The following IL1RAPL2 variants were observed in gnomAD, a reference collection of about 807,000 sequenced individuals.
The protein encoded by IL1RAPL2 is X-linked interleukin-1 receptor accessory protein-like 2.
Under a neutral mutation model 44.1 loss-of-function variants are expected in IL1RAPL2, and 3 were observed. The ratio of observed to expected loss-of-function variants is 0.07; its 90% CI spans 0.03 to 0.18. The LOEUF is 0.18. Among genes scored for constraint, IL1RAPL2 ranks in the 10% least tolerant of loss-of-function variants. The pLI is 1.00. For synonymous variants in IL1RAPL2, 181 were observed against 178.8 expected (o/e 1.01, Z -0.10); for missense variants, 391 against 496.4 (o/e 0.79, Z 2.02).
chrX:104,596,980 T>C (rs918867818), intron 1 of IL1RAPL2, among the ~76,000 whole-genome samples: 3 of 110,811 alleles, frequency 2.7e-5, no homozygotes, highest in Admixed American at 1.9e-4. Flanking sequence ...TTCATGTACA[T>C]GTACGAGTTT....
chrX:104,637,798 G>C (rs1175438854), intron 1 of IL1RAPL2, among the ~76,000 whole-genome samples: 7 of 108,085 alleles, frequency 6.5e-5, no homozygotes, highest in African/African-American at 1.4e-4. Context: ...GTGTGTGTGT[G>C]TGTCTGTGTG....
intron 2 of IL1RAPL2, among the ~76,000 whole-genome samples, chrX:104,949,235 G>T (rs1347972286): frequency 9.1e-6 from 1 of 109,453 alleles, no homozygotes; most frequent in African/African-American, 3.3e-5. Context: ...TCTGATGGTA[G>T]TTTGTATTTC....
At chrX:105,494,449 GCTATTAT>G (rs768917247) in intron 6 of IL1RAPL2, among the ~76,000 whole-genome samples, 1 of 111,752 alleles carries the variant, frequency 8.9e-6, no homozygotes, top group African/African-American at 3.2e-5. Flanking sequence ...AATTGAGTAA[GCTATTAT>G]CTTGCTTATT....
At chrX:105,187,364 T>TA (rs1177503633) in intron 2 of IL1RAPL2, among the ~76,000 whole-genome samples, 22 of 111,534 alleles carry the variant, frequency 2.0e-4, no homozygotes, top group Non-Finnish European at 4.0e-4. Context: ...ATCCCATCAT[T>TA]AAAAAAATAT....
intron 5 of IL1RAPL2, among the ~76,000 whole-genome samples, chrX:105,335,972 C>G (rs1174009567): frequency 2.7e-5 from 3 of 112,075 alleles, no homozygotes; most frequent in African/African-American, 9.7e-5. Flanking sequence ...AATAAAAATT[C>G]ATACCCAAAT....
At chrX:104,743,241 AT>A (rs1932123455) in intron 2 of IL1RAPL2, among the ~76,000 whole-genome samples, 1 of 110,493 alleles carries the variant, frequency 9.1e-6, no homozygotes, top group Non-Finnish European at 1.9e-5. Flanking sequence ...CAAAGTTATT[AT>A]TGCACTTATG....
At chrX:104,684,490 G>A (rs1161556637) in intron 2 of IL1RAPL2, among the ~76,000 whole-genome samples, 3 of 111,804 alleles carry the variant, frequency 2.7e-5, no homozygotes, top group Non-Finnish European at 3.8e-5. Context: ...CCTCCTGCAG[G>A]GACACCATAC....
chrX:104,696,582 C>T (rs1281142088), intron 2 of IL1RAPL2, among the ~76,000 whole-genome samples: 1 of 112,291 alleles, frequency 8.9e-6, no homozygotes, highest in Non-Finnish European at 1.9e-5. Context: ...AATTATCCAT[C>T]TAAGACAGGG....
At chrX:105,098,027 G>A (rs1487214757) in intron 2 of IL1RAPL2, among the ~76,000 whole-genome samples, 1 of 111,504 alleles carries the variant, frequency 9.0e-6, no homozygotes, top group African/African-American at 3.3e-5. Context: ...TATTCCTTTT[G>A]TCCATCTCAC....
chrX:105,564,247 C>T (rs1167823440), intron 6 of IL1RAPL2, among the ~76,000 whole-genome samples: 1 of 111,425 alleles, frequency 9.0e-6, no homozygotes, highest in Non-Finnish European at 1.9e-5. Flanking sequence ...TGAGGGGGTA[C>T]ATAAACATTT....
chrX:105,397,947 G>T (rs1569434862), intron 5 of IL1RAPL2, among the ~76,000 whole-genome samples: 1 of 110,093 alleles, frequency 9.1e-6, no homozygotes, highest in African/African-American at 3.3e-5. Flanking sequence ...TGCTCCAGGA[G>T]ATCTCAAAAA....
chrX:105,398,163 T>G (rs1240141634), intron 5 of IL1RAPL2, among the ~76,000 whole-genome samples: 2 of 111,149 alleles, frequency 1.8e-5, no homozygotes, highest in Non-Finnish European at 3.8e-5. Flanking sequence ...TTTTTATTTT[T>G]ATTTTTGGCA....
intron 7 of IL1RAPL2, among the ~76,000 whole-genome samples, chrX:105,718,521 A>G (rs1424998331): frequency 1.8e-5 from 2 of 111,756 alleles, no homozygotes; most frequent in Non-Finnish European, 3.8e-5. Context: ...CAAAATACAC[A>G]TGAAAAGGTG....
chrX:105,301,065 A>G (rs1471270318), intron 5 of IL1RAPL2, among the ~76,000 whole-genome samples: 3 of 111,943 alleles, frequency 2.7e-5, no homozygotes, highest in Middle Eastern at 4.7e-3. Context: ...TGGACACAGT[A>G]TACTAATAAA....
chrX:104,810,073 A>G (rs1184324831), intron 2 of IL1RAPL2, among the ~76,000 whole-genome samples: 1 of 110,461 alleles, frequency 9.1e-6, no homozygotes, highest in Non-Finnish European at 1.9e-5. Context: ...ACCTTGGAAT[A>G]CTATGCAGCC....
intron 5 of IL1RAPL2, among the ~76,000 whole-genome samples, chrX:105,309,593 G>T (rs892852895): frequency 2.3e-4 from 25 of 108,573 alleles, no homozygotes; most frequent in Non-Finnish European, 2.9e-4. Context: ...TTAGTTGGGC[G>T]TGGTGGCACA....
chrX:104,782,288 A>G (rs1215065479), intron 2 of IL1RAPL2, among the ~76,000 whole-genome samples: 1 of 110,666 alleles, frequency 9.0e-6, no homozygotes, highest in Non-Finnish European at 1.9e-5. Flanking sequence ...ATTTATCATC[A>G]TCCCCTTCCA....
At chrX:104,825,197 A>C (rs1373077195) in intron 2 of IL1RAPL2, among the ~76,000 whole-genome samples, 2 of 111,455 alleles carry the variant, frequency 1.8e-5, no homozygotes, top group Non-Finnish European at 3.8e-5. Flanking sequence ...AGGTTCCTAG[A>C]TGCTAAAGGG....
intron 2 of IL1RAPL2, among the ~76,000 whole-genome samples, chrX:104,682,960 C>T (rs1396789652): frequency 1.8e-5 from 2 of 111,589 alleles, no homozygotes; most frequent in African/African-American, 6.5e-5. Flanking sequence ...CTGCTTCTTG[C>T]TCTTATAACT....
Sources: allele counts gnomAD v4.1 joint callset (sites outside exome capture counted in the v4.1 genomes callset), GRCh38; gene constraint gnomAD v4.1.1; transcripts MANE v1.5; gene names NCBI Gene and HGNC (gene_info 2026-07-23, HGNC 2026-07-21).